Variants in IPO9 observed in about 807,000 individuals in gnomAD.
IPO9 encodes the protein importin 9.
IPO9 carries 28 observed loss-of-function variants against 128.6 expected under a neutral mutation model. That is an observed-to-expected ratio of 0.22 (90% confidence interval 0.16 to 0.30). IPO9 has a LOEUF of 0.30. Among genes scored for constraint, IPO9 ranks in the 10% least tolerant of loss-of-function variants. The probability of loss-of-function intolerance (pLI) is 1.00; values close to 1 mark genes in which losing one functional copy is unlikely to be tolerated. For synonymous variants in IPO9, 455 were observed against 475.8 expected (o/e 0.96, Z 0.57); for missense variants, 935 against 1,293.9 (o/e 0.72, Z 4.26).
At chr1:201,865,206 T>C (rs1014545840) in intron 14 of IPO9, among the ~76,000 whole-genome samples, 1 of 150,942 alleles carries the variant, frequency 6.6e-6, no homozygotes, top group African/African-American at 2.4e-5. Flanking sequence ...TTTCTTTTTT[T>C]TTTTTTTTTT....
intron 19 of IPO9, 36 bp downstream of exon 19, chr1:201,871,363 A>G (rs1269380902): frequency 1.4e-6 from 1 of 739,182 alleles, no homozygotes; most frequent in South Asian, 2.0e-5. Flanking sequence ...GCATTCTGCC[A>G]CCACTCATAT....
At chr1:201,872,129 G>A (rs904346220) in intron 19 of IPO9, among the ~76,000 whole-genome samples, 1 of 152,090 alleles carries the variant, frequency 6.6e-6, no homozygotes, top group Non-Finnish European at 1.5e-5. Context: ...CAGCTACTCG[G>A]GAGGCTAAGG....
At chr1:201,857,534 A>G (rs556772826) in intron 11 of IPO9, among the ~76,000 whole-genome samples, 5 of 152,224 alleles carry the variant, frequency 3.3e-5, no homozygotes, top group African/African-American at 1.2e-4. Flanking sequence ...GGTGACTCAC[A>G]CCTGTAATCC....
rs929269633 is a variant in IPO9, at chr1:201,878,332, A to T, written c.*2278A>T. The T allele has an allele frequency of 6.5e-6, 1 of 152,788 alleles. No individual in the cohort carries two copies. Among genetic ancestry groups the T allele is most frequent in the Admixed American group, 6.5e-5 (1 of 15,304 alleles). 9.5% of individuals were successfully genotyped at this position (152,788 alleles called of 1,614,324 possible). ...GCATAAGGCCAAGTCAGCCTCTGAT[A>T]TTGGCACAAAAGAATGGTCTCATGC... On this transcript the variant is annotated 3_prime_UTR_variant, in exon 24 of 24. Coordinates refer to ENST00000361565, the MANE Select transcript of IPO9 (RefSeq NM_018085.5).
rs201160196 is a variant in IPO9, at chr1:201,868,828, T to A, written c.2004+32T>A. ...GGCCGTGTGTGTGTGTGTGTGTGTGTGAGAGAGATCTACAAGTGCCACCCA... is the reference window on the plus strand; with the variant it reads ...GGCCGTGTGTGTGTGTGTGTGTGTGAGAGAGAGATCTACAAGTGCCACCCA... On this transcript the variant is annotated intron_variant, in intron 16 of 23. Transcript: ENST00000361565. 2,087 of 627,542 alleles carry A rather than the reference T, an allele frequency of 3.3e-3. No individual in the cohort carries two copies. Among genetic ancestry groups the A allele is most frequent in the Non-Finnish European group, 4.4e-3 (1,818 of 416,180 alleles). 38.9% of individuals were successfully genotyped at this position (627,542 alleles called of 1,614,324 possible).
chr1:201,860,181 C>T (rs943304866), intron 13 of IPO9, among the ~76,000 whole-genome samples: 4 of 152,144 alleles, frequency 2.6e-5, no homozygotes, highest in East Asian at 1.9e-4. Flanking sequence ...GCTCCATTTT[C>T]GGTCCATTTA....
intron 19 of IPO9, among the ~76,000 whole-genome samples, chr1:201,872,593 G>A (rs898217615): frequency 6.6e-6 from 1 of 150,526 alleles, no homozygotes; most frequent in Non-Finnish European, 1.5e-5. Flanking sequence ...GACAGAATGA[G>A]ACCCTATCTC....
At chr1:201,872,541 G>A (rs1487511861) in intron 19 of IPO9, among the ~76,000 whole-genome samples, 2 of 152,024 alleles carry the variant, frequency 1.3e-5, no homozygotes, top group Non-Finnish European at 2.9e-5. Context: ...GGAGGTCAAG[G>A]CTGCAGTGAA....
chr1:201,871,925 C>CT (rs1680660550), intron 19 of IPO9, among the ~76,000 whole-genome samples: 1 of 152,118 alleles, frequency 6.6e-6, no homozygotes, highest in African/African-American at 2.4e-5. Context: ...CTGCTAGTGG[C>CT]TTATTTTCCT....
In IPO9 at chr1:201,852,083, GTAC is replaced by G; in HGVS notation, c.515-16_515-14del. The G allele has an allele frequency of 6.8e-7, 1 of 1,479,966 alleles. No individual in the cohort carries two copies. The highest frequency in any genetic ancestry group is 9.4e-7 in the Non-Finnish European group (1 of 1,063,982). The allele number at this position is 1,479,966 out of a possible 1,614,324, so 91.7% of individuals were successfully genotyped here. On this transcript the variant is annotated intron_variant, in intron 4 of 23. Coordinates refer to ENST00000361565, the MANE Select transcript of IPO9 (RefSeq NM_018085.5). ...ATGAAGCAGTATTTTTTTTTTAACA[GTAC>G]TACTTTTTTCTTTGTAGAATTCACT... is the stretch of plus-strand genomic sequence containing the variant.
Position 201,874,857 on chromosome 1 carries a change from C to T in IPO9, c.2859C>T (p.Asp953=), listed in dbSNP as rs776685363. 9 of 1,612,966 alleles carry T rather than the reference C, an allele frequency of 5.6e-6. No homozygotes were observed. The highest frequency in any genetic ancestry group is 2.2e-5 in the East Asian group (1 of 44,872). Residue 953 remains aspartate, a synonymous_variant, in exon 22 of 24, where the codon GAC becomes GAT. Transcript: ENST00000361565. ...ATGACTCCAATGATATGTGGGAGGA[C>T]CAGGAGGAGGAAGAGGAGGAGGAGG... ...SQDDSNDMWE[D]QEEEEEEEED... is the part of the protein sequence containing the mutation.
At chr1:201,835,150 G>A (rs1255117910) in intron 1 of IPO9, 1 of 152,218 alleles carries the variant, frequency 6.6e-6, no homozygotes, top group African/African-American at 2.4e-5. Flanking sequence ...CTTGTCCAGG[G>A]GGTCTACTCA....
rs758300803 is a variant in IPO9, at chr1:201,868,667, G to C, written c.1875G>C (p.Leu625=). ...CTTCAGATCCCGTCGTCGCCTCACT[G>C]GCTCAGGACATCTTCAAGGAGCTGT... ...KYSNDPVVAS[L]AQDIFKELSQ... Residue 625 remains leucine, a synonymous_variant, in exon 16 of 24, where the codon CTG becomes CTC. Transcript: ENST00000361565. 6.2e-7 allele frequency: 1 copy of C among 1,613,830 alleles called. No individual in the cohort carries two copies. The highest frequency in any genetic ancestry group is 1.1e-5 in the South Asian group (1 of 90,994).
intron 1 of IPO9, among the ~76,000 whole-genome samples, chr1:201,832,941 G>A (rs1679865004): frequency 1.3e-5 from 2 of 152,204 alleles, no homozygotes; most frequent in Admixed American, 1.3e-4. Context: ...AAGAGAAGTT[G>A]ACATGCTGTG....
chr1:201,857,726 C>A (rs1159765327), intron 11 of IPO9, among the ~76,000 whole-genome samples: 1 of 147,270 alleles, frequency 6.8e-6, no homozygotes, highest in African/African-American at 2.5e-5. Context: ...ACCCGGGAGG[C>A]GGAGGTTGTG....
At chr1:201,858,833 A>T (rs1265316237) in intron 12 of IPO9, 22 bp from the exon 13 acceptor site, 1 of 1,584,182 alleles carries the variant, frequency 6.3e-7, no homozygotes, top group East Asian at 2.3e-5. Context: ...ATGTTTTACT[A>T]GGCTGTAGTA....
chr1:201,864,667 A>T (rs572164155), intron 14 of IPO9, among the ~76,000 whole-genome samples: 1 of 152,196 alleles, frequency 6.6e-6, no homozygotes, highest in Non-Finnish European at 1.5e-5. Context: ...CTTTGGGTAA[A>T]ATAAGCCCAT....
In IPO9 at chr1:201,868,501, T is replaced by G. The variant is rs1288700843; in HGVS notation, c.1856-147T>G. ...CTCTCCTGTTCTTTCAGGTTATTCATGTGGCCCCACTAGGTCCCGGGTATG... is the reference window on the plus strand; with the variant it reads ...CTCTCCTGTTCTTTCAGGTTATTCAGGTGGCCCCACTAGGTCCCGGGTATG... On this transcript the variant is annotated intron_variant, in intron 15 of 23. Coordinates refer to ENST00000361565, the MANE Select transcript of IPO9 (RefSeq NM_018085.5). The G allele has an allele frequency of 5.7e-6, 4 of 705,810 alleles. No individual in the cohort carries two copies. In the East Asian group the frequency reaches 8.7e-5, roughly 15 times the overall value. The allele number at this position is 705,810 out of a possible 1,614,324, so 43.7% of individuals were successfully genotyped here. A position where few individuals can be genotyped will look rare whatever the true frequency, so the allele number is the denominator to read the frequency against.
In IPO9 at chr1:201,855,817, C is replaced by A. The variant is rs1253682985; in HGVS notation, c.1005C>A (p.Ser335Arg). 6.2e-7 allele frequency: 1 copy of A among 1,610,834 alleles called. No individual in the cohort carries two copies. Among genetic ancestry groups the A allele is most frequent in the African/African-American group, 1.3e-5 (1 of 74,766 alleles). ...TGGGCTTTGAAAATCTCGTCTTTAG[C>A]ATTTTTGAATTTGTCCATGCTCTAC... ...EVLGFENLVF[S>R]IFEFVHALLE... The change falls in exon 10 of 24, where the codon AGC (serine) becomes AGA (arginine). Residue 335 changes from serine to arginine, a missense_variant. Transcript: ENST00000361565.
Sources: gnomAD v4.1 joint callset for allele counts (sites outside exome capture counted in the v4.1 genomes callset) on GRCh38, gnomAD v4.1.1 for gene constraint, MANE v1.5 for transcripts, NCBI Gene and HGNC (gene_info 2026-07-23, HGNC 2026-07-21) for gene names.